GRIN2B: variants seen among roughly 807,000 people sequenced by gnomAD.
The protein encoded by GRIN2B is glutamate receptor ionotropic, NMDA 2B.
In GRIN2B, 5 loss-of-function variants were observed where a neutral mutation model predicts 114.5. That is an observed-to-expected ratio of 0.04 (90% CI 0.02 to 0.09). The LOEUF (loss-of-function observed/expected upper bound fraction) is 0.09. Among genes scored for constraint, GRIN2B ranks in the 10% least tolerant of loss-of-function variants. GRIN2B has a pLI of 1.00. For synonymous variants in GRIN2B, 787 were observed against 745.1 expected (o/e 1.06, Z -0.92); for missense variants, 1,108 against 1,943.5 (o/e 0.57, Z 8.08).
chr12:13,976,065 A>C (rs1430945009), intron 2 of GRIN2B, among the ~76,000 whole-genome samples: 1 of 152,380 alleles, frequency 6.6e-6, no homozygotes, highest in East Asian at 1.9e-4. Context: ...ATTCTGTGTA[A>C]TGGCCGCAGG....
At chr12:13,663,076 C>G (rs182068957) in intron 5 of GRIN2B, among the ~76,000 whole-genome samples, 1 of 152,086 alleles carries the variant, frequency 6.6e-6, no homozygotes, top group Non-Finnish European at 1.5e-5. Context: ...GTAGGTTCCC[C>G]GGTGATGCTA....
intron 2 of GRIN2B, among the ~76,000 whole-genome samples, chr12:13,959,079 T>C (rs999157801): frequency 2.6e-5 from 4 of 152,190 alleles, no homozygotes; most frequent in African/African-American, 9.6e-5. Flanking sequence ...GTCTAATAAA[T>C]ACTTGTGACC....
chr12:13,806,827 T>C (rs1280744101), intron 3 of GRIN2B, among the ~76,000 whole-genome samples: 3 of 152,124 alleles, frequency 2.0e-5, no homozygotes, highest in Admixed American at 2.0e-4. Context: ...TTTCCCATTG[T>C]TTTCCCTAGT....
intron 4 of GRIN2B, among the ~76,000 whole-genome samples, chr12:13,737,447 G>T (rs1863205498): frequency 6.6e-6 from 1 of 152,082 alleles, no homozygotes; most frequent in Admixed American, 6.5e-5. Context: ...TCCTGACCTT[G>T]TGATCTGCCT....
chr12:13,756,749 A>G (rs1286759033), intron 3 of GRIN2B, among the ~76,000 whole-genome samples: 2 of 152,242 alleles, frequency 1.3e-5, no homozygotes, highest in Non-Finnish European at 2.9e-5. Flanking sequence ...TTCATGTGCT[A>G]TGAAACCACA....
At chr12:13,787,619 T>C (rs550226465) in intron 3 of GRIN2B, among the ~76,000 whole-genome samples, 2 of 152,210 alleles carry the variant, frequency 1.3e-5, no homozygotes, top group Non-Finnish European at 2.9e-5. Context: ...TCAGAAAATA[T>C]GCAAATTATC....
intron 2 of GRIN2B, among the ~76,000 whole-genome samples, chr12:13,943,321 T>C (rs1410638051): frequency 1.3e-5 from 2 of 152,210 alleles, no homozygotes; most frequent in Non-Finnish European, 2.9e-5. Context: ...AATGCAAGGC[T>C]GTCTGAGTCA....
At chr12:13,641,164 T>G (rs549289067) in intron 5 of GRIN2B, among the ~76,000 whole-genome samples, 11 of 152,144 alleles carry the variant, frequency 7.2e-5, no homozygotes, top group African/African-American at 2.6e-4. Flanking sequence ...CTCCATCTCC[T>G]GGGTTCAAGT....
At chr12:13,579,116 G>C (rs957237110) in intron 10 of GRIN2B, among the ~76,000 whole-genome samples, 9 of 152,196 alleles carry the variant, frequency 5.9e-5, no homozygotes, top group African/African-American at 2.2e-4. Flanking sequence ...ATGGTTTCTA[G>C]ATAGAGACGA....
intron 2 of GRIN2B, among the ~76,000 whole-genome samples, chr12:13,867,036 C>A (rs897237898): frequency 6.6e-6 from 1 of 151,894 alleles, no homozygotes; most frequent in African/African-American, 2.4e-5. Context: ...TATTACACTA[C>A]GTGGAACTGC....
At position 13,606,909 on chromosome 12, in the gene GRIN2B, C is replaced by T. The variant is rs368015100; in HGVS notation, c.2010+1694G>A. On this transcript the variant is annotated intron_variant, in intron 10 of 13. Transcript: ENST00000609686. The stretch of plus-strand genomic sequence containing the variant: ...CTTCCAAATAAGAGAGAAAAAAATA[C>T]AAGAGAGAGAATTTTTTTTTAAATA... 4.0e-5 allele frequency among the ~76,000 whole-genome samples: 6 copies of T among 150,946 alleles called. No individual in the cohort carries two copies. In the East Asian group the frequency reaches 7.8e-4, roughly 20 times the overall value.
At chr12:13,977,790 G>T (rs1355736667) in intron 2 of GRIN2B, among the ~76,000 whole-genome samples, 1 of 152,138 alleles carries the variant, frequency 6.6e-6, no homozygotes, top group Admixed American at 6.5e-5. Context: ...CTCCAAAATG[G>T]CTTTGCATGG....
intron 4 of GRIN2B, among the ~76,000 whole-genome samples, chr12:13,710,210 G>T (rs1435523572): frequency 6.6e-6 from 1 of 151,928 alleles, no homozygotes; most frequent in South Asian, 2.1e-4. Flanking sequence ...GAAGTTCTAG[G>T]TATTGATGGG....
chr12:13,594,079 G>C (rs1949042194), intron 10 of GRIN2B, among the ~76,000 whole-genome samples: 1 of 152,164 alleles, frequency 6.6e-6, no homozygotes, highest in African/African-American at 2.4e-5. Flanking sequence ...GTTGGTGGGA[G>C]TGTAAATTAG....
chr12:13,919,296 T>G (rs114496675), intron 2 of GRIN2B, among the ~76,000 whole-genome samples: 3,258 of 152,306 alleles, frequency 0.021, 50 homozygotes, highest in Middle Eastern at 0.037. Context: ...CCATATATCA[T>G]GTACGTAAAA....
In GRIN2B at chr12:13,545,205, AC is replaced by A. The variant is rs1948327800; in HGVS notation, c.*17577del. On this transcript the variant is annotated 3_prime_UTR_variant, in exon 14 of 14. Transcript: ENST00000609686. ...AGTCTCACTCCCTCATTTCCTCCAA[AC>A]CTTTACTTAAATGTCATCTTTGCTT... 6.6e-6 allele frequency: 1 copy of A among 151,820 alleles called. No individual in the cohort carries two copies. Among genetic ancestry groups the A allele is most frequent in the Non-Finnish European group, 1.5e-5 (1 of 67,954 alleles). The allele number at this position is 151,820 out of a possible 1,614,324, so 9.4% of individuals were successfully genotyped here. A position where few individuals can be genotyped will look rare whatever the true frequency, so the allele number is the denominator to read the frequency against.
At chr12:13,854,883 G>A (rs1399944567) in intron 3 of GRIN2B, among the ~76,000 whole-genome samples, 1 of 151,810 alleles carries the variant, frequency 6.6e-6, no homozygotes, top group Non-Finnish European at 1.5e-5. Context: ...GCCTTTTCTA[G>A]GTACTTTGAA....
At chr12:13,951,327 T>C (rs190032257) in intron 2 of GRIN2B, among the ~76,000 whole-genome samples, 86 of 151,988 alleles carry the variant, frequency 5.7e-4, no homozygotes, top group African/African-American at 1.9e-3. Context: ...AAACCCAGAG[T>C]GATCCCTGAG....
intron 3 of GRIN2B, among the ~76,000 whole-genome samples, chr12:13,826,878 T>C (rs1191125395): frequency 6.6e-6 from 1 of 152,138 alleles, no homozygotes; most frequent in Admixed American, 6.5e-5. Flanking sequence ...TTAATAATTC[T>C]GAAATACAAA....
Sources: gnomAD v4.1 joint callset for allele counts (sites outside exome capture counted in the v4.1 genomes callset) on GRCh38, gnomAD v4.1.1 for gene constraint, MANE v1.5 for transcripts, NCBI Gene and HGNC (gene_info 2026-07-23, HGNC 2026-07-21) for gene names.